Variants in COL25A1 observed in about 807,000 individuals in gnomAD.
The protein encoded by COL25A1 is collagen alpha-1(XXV) chain.
COL25A1 carries 103 observed loss-of-function variants against 128.4 expected under a neutral mutation model. That is an observed-to-expected ratio of 0.80 (90% confidence interval 0.68 to 0.94). The LOEUF (loss-of-function observed/expected upper bound fraction) is 0.94, where lower values mean the gene tolerates loss of function less well. Ranked by LOEUF, COL25A1 falls within the 40% of genes least tolerant of loss-of-function variation. The pLI is 0.00. For synonymous variants in COL25A1, 279 were observed against 277.2 expected, an observed-to-expected ratio of 1.01 and a Z score of -0.06; for missense variants, 745 against 840.0, an observed-to-expected ratio of 0.89 and a Z score of 1.40.
intron 3 of COL25A1, among the ~76,000 whole-genome samples, chr4:109,211,307 T>A (rs868125298): frequency 5.6e-5 from 3 of 53,288 alleles, no homozygotes; most frequent in African/African-American, 4.4e-4. Flanking sequence ...TATATATATA[T>A]ATATATATAT....
chr4:109,055,227 T>G (rs1052391705), intron 3 of COL25A1, among the ~76,000 whole-genome samples: 2 of 152,146 alleles, frequency 1.3e-5, no homozygotes, highest in Admixed American at 6.5e-5. Flanking sequence ...AAATTTATTC[T>G]CTCCATACTC....
intron 5 of COL25A1, among the ~76,000 whole-genome samples, chr4:109,014,453 A>G (rs767628253): frequency 6.6e-6 from 1 of 152,172 alleles, no homozygotes; most frequent in Non-Finnish European, 1.5e-5. Context: ...TATAGTTGTG[A>G]TATTTTCAGA....
intron 24 of COL25A1, among the ~76,000 whole-genome samples, chr4:108,854,562 G>T (rs1337667786): frequency 6.6e-6 from 1 of 152,042 alleles, no homozygotes; most frequent in Admixed American, 6.6e-5. Flanking sequence ...GATATGAACA[G>T]ACATTTTTCA....
At chr4:108,949,537 C>CTT (rs60370461) in intron 8 of COL25A1, among the ~76,000 whole-genome samples, 2 of 142,520 alleles carry the variant, frequency 1.4e-5, no homozygotes, top group Admixed American at 7.0e-5. Flanking sequence ...ATAAATTTTT[C>CTT]TTTTTTTTTT....
At chr4:109,081,251 T>C (rs1364921874) in intron 3 of COL25A1, among the ~76,000 whole-genome samples, 1 of 152,144 alleles carries the variant, frequency 6.6e-6, no homozygotes, top group Non-Finnish European at 1.5e-5. Context: ...CCCACTACAG[T>C]TTTTTACCTC....
chr4:109,145,619 A>G (rs1229008234), intron 3 of COL25A1, among the ~76,000 whole-genome samples: 2 of 152,136 alleles, frequency 1.3e-5, no homozygotes, highest in Admixed American at 1.3e-4. Context: ...TGGGTGAATC[A>G]CCTGAGGTCA....
intron 35 of COL25A1, among the ~76,000 whole-genome samples, chr4:108,822,046 T>TTTTTTTTTTTTTG (rs1731831732): frequency 2.0e-5 from 1 of 50,858 alleles, no homozygotes; most frequent in African/African-American, 6.7e-5. Context: ...AATGGTAATT[T>TTTTTTTTTTTTTG]TTTTTTTTTT....
At chr4:109,189,547 C>CAAAAAAAAAA (rs33989375) in intron 3 of COL25A1, among the ~76,000 whole-genome samples, 1 of 53,604 alleles carries the variant, frequency 1.9e-5, no homozygotes, top group African/African-American at 6.0e-5. Flanking sequence ...GACTCCATCT[C>CAAAAAAAAAA]AAAAAAAAAA....
At chr4:109,047,971 A>T (rs1760602497) in intron 5 of COL25A1, among the ~76,000 whole-genome samples, 197 bp downstream of exon 5, 1 of 152,000 alleles carries the variant, frequency 6.6e-6, no homozygotes, top group Admixed American at 6.5e-5. Context: ...TGACCTCATG[A>T]TCCACCCGCC....
chr4:109,173,983 AGATTTTG>A (rs1773827313), intron 3 of COL25A1, among the ~76,000 whole-genome samples: 1 of 152,140 alleles, frequency 6.6e-6, no homozygotes, highest in Non-Finnish European at 1.5e-5. Flanking sequence ...AGAGCACTTC[AGATTTTG>A]GATTTTTAGA....
chr4:109,075,468 T>C (rs1462667030), intron 3 of COL25A1, among the ~76,000 whole-genome samples: 3 of 152,056 alleles, frequency 2.0e-5, no homozygotes, highest in Admixed American at 6.6e-5. Flanking sequence ...GAAATGATCA[T>C]AAGAATTGCT....
intron 16 of COL25A1, among the ~76,000 whole-genome samples, chr4:108,895,719 T>C (rs1193125163): frequency 6.6e-6 from 1 of 152,114 alleles, no homozygotes; most frequent in Non-Finnish European, 1.5e-5. Context: ...AAACTTTTCT[T>C]TTTAAAATTA....
chr4:108,908,877 T>A (rs1420528364), intron 13 of COL25A1, among the ~76,000 whole-genome samples: 1 of 152,050 alleles, frequency 6.6e-6, no homozygotes, highest in Non-Finnish European at 1.5e-5. Flanking sequence ...GATGTTCTCT[T>A]ATGCTAAGTC....
chr4:108,966,994 C>T (rs528241357), intron 8 of COL25A1, among the ~76,000 whole-genome samples: 25 of 152,114 alleles, frequency 1.6e-4, no homozygotes, highest in Middle Eastern at 3.4e-3. Flanking sequence ...TTTATTAATA[C>T]GTGTTCTACT....
chr4:109,146,733 A>T (rs1219876534), intron 3 of COL25A1, among the ~76,000 whole-genome samples: 1 of 152,202 alleles, frequency 6.6e-6, no homozygotes, highest in Non-Finnish European at 1.5e-5. Context: ...CCCAGCAGCA[A>T]TTTCCCTTAA....
At chr4:108,860,394 A>T (rs893683614) in intron 23 of COL25A1, among the ~76,000 whole-genome samples, 1 of 152,204 alleles carries the variant, frequency 6.6e-6, no homozygotes, top group Admixed American at 6.5e-5. Context: ...CCTGGCCGTC[A>T]TTCTTTAAAA....
At chr4:108,993,458 T>C (rs1321422810) in intron 6 of COL25A1, among the ~76,000 whole-genome samples, 5 of 152,216 alleles carry the variant, frequency 3.3e-5, no homozygotes, top group East Asian at 1.9e-4. Context: ...CTTCCAATTC[T>C]AAAAAGCTAA....
intron 3 of COL25A1, among the ~76,000 whole-genome samples, chr4:109,146,971 C>T (rs1035000251): frequency 1.3e-5 from 2 of 152,060 alleles, no homozygotes; most frequent in Non-Finnish European, 2.9e-5. Context: ...CAAAGTGGAA[C>T]GAGGACCATC....
intron 5 of COL25A1, among the ~76,000 whole-genome samples, chr4:109,020,519 G>C (rs986100360): frequency 2.4e-4 from 12 of 49,428 alleles, no homozygotes; most frequent in African/African-American, 9.4e-4. Flanking sequence ...GGGGGGGGGG[G>C]TTCAACATAA....
Sources: allele counts gnomAD v4.1 joint callset (sites outside exome capture counted in the v4.1 genomes callset), GRCh38; gene constraint gnomAD v4.1.1; transcripts MANE v1.5; gene names NCBI Gene and HGNC (gene_info 2026-07-23, HGNC 2026-07-21).